The following DPP6 variants were observed in gnomAD, a reference collection of about 807,000 sequenced individuals.
DPP6 encodes the protein A-type potassium channel modulatory protein DPP6.
Under a neutral mutation model 122.6 loss-of-function variants are expected in DPP6, and 69 were observed. The observed-to-expected ratio is 0.56, with a 90% CI of 0.46 to 0.69. The LOEUF (loss-of-function observed/expected upper bound fraction) is 0.69. Ranked by LOEUF, DPP6 falls within the 30% of genes least tolerant of loss-of-function variation. The pLI, the probability that DPP6 is intolerant of heterozygous loss-of-function variation, is 0.00. For synonymous variants in DPP6, 418 were observed against 433.1 expected (o/e 0.97, Z 0.43); for missense variants, 928 against 1,116.9 (o/e 0.83, Z 2.41).
chr7:154,137,045 C>A (rs553573259), intron 1 of DPP6, among the ~76,000 whole-genome samples: 12 of 152,292 alleles, frequency 7.9e-5, no homozygotes, highest in Non-Finnish European at 1.3e-4. Context: ...GGGAAGAGAA[C>A]TTTAGGGGGA....
At chr7:154,623,670 C>T (rs1350337528) in intron 5 of DPP6, among the ~76,000 whole-genome samples, 1 of 150,866 alleles carries the variant, frequency 6.6e-6, no homozygotes, top group East Asian at 1.9e-4. Flanking sequence ...CACACGCACA[C>T]ACACACGCAC....
chr7:154,622,662 T>C (rs139269464), intron 5 of DPP6, among the ~76,000 whole-genome samples: 204 of 152,286 alleles, frequency 1.3e-3, no homozygotes, highest in African/African-American at 4.7e-3. Flanking sequence ...GTGGATACCA[T>C]AGCAGCATGA....
the DPP6 span, among the ~76,000 whole-genome samples, chr7:153,847,927 TTC>T: frequency 6.6e-6 from 1 of 152,226 alleles, no homozygotes; most frequent in Non-Finnish European, 1.5e-5. Flanking sequence ...TCACACTCTC[TTC>T]TCTGTTACCT....
intron 2 of DPP6, among the ~76,000 whole-genome samples, chr7:154,452,961 A>G (rs945165623): frequency 6.6e-6 from 1 of 152,210 alleles, no homozygotes; most frequent in African/African-American, 2.4e-5. Flanking sequence ...GCTCTTTTCT[A>G]AATTTCTTCT....
At chr7:154,460,132 C>T (rs1391234953) in intron 2 of DPP6, among the ~76,000 whole-genome samples, 1 of 151,852 alleles carries the variant, frequency 6.6e-6, no homozygotes, top group Non-Finnish European at 1.5e-5. Flanking sequence ...CAGACGTGTA[C>T]CACCACACCT....
rs190155421 is a variant in DPP6, at chr7:154,780,899, T to C, written c.1136+7957T>C. 6.8e-4 allele frequency among the ~76,000 whole-genome samples: 104 copies of C among 152,136 alleles called. 2 individuals carry two copies. The East Asian group carries it at 0.015, about 22-fold the overall frequency. ...GAGGGATGGATTATGAATAGATAAA[T>C]GCATGATGGATGGGTAAGGGGATAG... On this transcript the variant is annotated intron_variant, in intron 10 of 25. Coordinates refer to ENST00000377770, the MANE Select transcript of DPP6 (RefSeq NM_130797.4).
intron 1 of DPP6, among the ~76,000 whole-genome samples, chr7:154,271,062 A>G (rs992961543): frequency 6.6e-6 from 1 of 152,214 alleles, no homozygotes; most frequent in Non-Finnish European, 1.5e-5. Flanking sequence ...AAGCACTTTC[A>G]TTGGAAGTTT....
the DPP6 span, among the ~76,000 whole-genome samples, chr7:153,786,447 G>A: frequency 3.3e-5 from 5 of 151,154 alleles, no homozygotes; most frequent in Non-Finnish European, 4.4e-5. Flanking sequence ...ACATTAAAAT[G>A]GTATACTACT....
intron 1 of DPP6, among the ~76,000 whole-genome samples, chr7:154,360,015 T>A (rs1303189581): frequency 6.6e-6 from 1 of 152,230 alleles, no homozygotes. Flanking sequence ...TTTGCTTTTC[T>A]GAGTGCTGCT....
intron 1 of DPP6, among the ~76,000 whole-genome samples, chr7:154,440,306 A>T (rs1819259470): frequency 6.6e-6 from 1 of 152,080 alleles, no homozygotes; most frequent in Non-Finnish European, 1.5e-5. Flanking sequence ...GCATTAATTC[A>T]TACCTTGCGG....
Position 154,061,852 on chromosome 7 carries a change from G to A in DPP6, c.243+8789G>A, listed in dbSNP as rs1274932040. ...CCCCTTTGCTCTTAGGATCCCCATCGCTGGGGGCGGAGGCACCCCCCGCGA... is the reference window on the plus strand; with the variant it reads ...CCCCTTTGCTCTTAGGATCCCCATCACTGGGGGCGGAGGCACCCCCCGCGA... On this transcript the variant is annotated intron_variant, in intron 1 of 25. Transcript: ENST00000377770. Among the ~76,000 whole-genome samples, 3 of 124,280 alleles carry A rather than the reference G, an allele frequency of 2.4e-5. 1 individual carries two copies. The highest frequency in any genetic ancestry group is 5.1e-5 in the Non-Finnish European group (3 of 58,584). 81.5% of individuals were successfully genotyped at this position (124,280 alleles called of 152,430 possible).
At chr7:154,636,148 G>T (rs1474344882) in intron 5 of DPP6, among the ~76,000 whole-genome samples, 3 of 152,248 alleles carry the variant, frequency 2.0e-5, no homozygotes, top group African/African-American at 7.2e-5. Flanking sequence ...AACAAAGTGA[G>T]ATCAATCATA....
chr7:154,528,280 C>T (rs2055017), intron 3 of DPP6, among the ~76,000 whole-genome samples: 44,090 of 152,104 alleles, frequency 0.29, 6,713 homozygotes, highest in African/African-American at 0.34. Context: ...ATCCATATAG[C>T]GTTAAAATGC....
chr7:154,449,844 A>G (rs938896967), intron 2 of DPP6, among the ~76,000 whole-genome samples: 25 of 151,342 alleles, frequency 1.7e-4, no homozygotes, highest in African/African-American at 6.1e-4. Context: ...CATCTCTACT[A>G]AAAATAAAAA....
At position 154,889,266 on chromosome 7, in the gene DPP6, G is replaced by T. The variant is rs1356511209; in HGVS notation, c.2305-6G>T. Reference sequence around the variant, plus strand: ...TAACTCTGTCCCCTTGCCCCCGCATGTGCAGATGACCAAGGTAGCCCATCG... The same window carrying T: ...TAACTCTGTCCCCTTGCCCCCGCATTTGCAGATGACCAAGGTAGCCCATCG... On this transcript the variant is annotated splice_region_variant and splice_polypyrimidine_tract_variant and intron_variant, in intron 23 of 25. Transcript: ENST00000377770. 6.2e-7 allele frequency: 1 copy of T among 1,612,310 alleles called. No homozygotes were observed. The highest frequency in any genetic ancestry group is 8.5e-7 in the Non-Finnish European group (1 of 1,179,404).
At chr7:154,401,280 T>G (rs2151186247) in intron 1 of DPP6, among the ~76,000 whole-genome samples, 1 of 152,068 alleles carries the variant, frequency 6.6e-6, no homozygotes, top group East Asian at 1.9e-4. Context: ...TTACTGTGCC[T>G]GATTCTAAGA....
chr7:153,801,562 G>A, the DPP6 span, among the ~76,000 whole-genome samples: 1 of 152,272 alleles, frequency 6.6e-6, no homozygotes, highest in East Asian at 1.9e-4. Context: ...TGGCAGGAAA[G>A]GGGGCCACTC....
intron 1 of DPP6, among the ~76,000 whole-genome samples, chr7:154,111,876 A>G (rs1806608897): frequency 6.6e-6 from 1 of 152,204 alleles, no homozygotes; most frequent in African/African-American, 2.4e-5. Flanking sequence ...CATTATTAAA[A>G]TATTTTTAGG....
At chr7:154,816,084 C>G (rs1418681723) in intron 16 of DPP6, among the ~76,000 whole-genome samples, 1 of 152,150 alleles carries the variant, frequency 6.6e-6, no homozygotes, top group Non-Finnish European at 1.5e-5. Context: ...GGGTTCAAAC[C>G]TGGACTCTGC....
Sources: gnomAD v4.1 joint callset for allele counts (sites outside exome capture counted in the v4.1 genomes callset) on GRCh38, gnomAD v4.1.1 for gene constraint, MANE v1.5 for transcripts, NCBI Gene and HGNC (gene_info 2026-07-23, HGNC 2026-07-21) for gene names.